Variants in NR1H2 observed in about 807,000 individuals in gnomAD.
NR1H2 encodes oxysterols receptor LXR-beta.
In NR1H2, 33 loss-of-function variants were observed where a neutral mutation model predicts 51.2. That is an observed-to-expected ratio of 0.64 (90% CI 0.49 to 0.86). The LOEUF (loss-of-function observed/expected upper bound fraction) is 0.86. Ranked by LOEUF, NR1H2 falls within the 40% of genes least tolerant of loss-of-function variation. The pLI is 0.00. For missense variants in NR1H2, 592 were observed against 639.9 expected (o/e 0.93, Z 0.81); for synonymous variants, 310 against 264.3 (o/e 1.17, Z -1.68).
At position 50,382,788 on chromosome 19, in the gene NR1H2, G is replaced by C; in HGVS notation, c.*186G>C. The C allele has an allele frequency of 1.7e-6, 1 of 583,754 alleles. No individual in the cohort carries two copies. Among genetic ancestry groups the C allele is most frequent in the Non-Finnish European group, 2.8e-6 (1 of 354,134 alleles). 36.2% of individuals were successfully genotyped at this position (583,754 alleles called of 1,614,324 possible). A position where few individuals can be genotyped will look rare whatever the true frequency, so the allele number is the denominator to read the frequency against. ...CCCTCCCTGCCCAGCGAGTCTTCCA[G>C]AAGGGGTGAAAGGGTTGCAGGTCCC... On this transcript the variant is annotated 3_prime_UTR_variant, in exon 10 of 10. Transcript: ENST00000253727.
rs956114882 is a variant in NR1H2 at position 50,382,777 on chromosome 19, C to T, written c.*175C>T. On this transcript the variant is annotated 3_prime_UTR_variant, in exon 10 of 10. Coordinates refer to ENST00000253727, the MANE Select transcript of NR1H2 (RefSeq NM_007121.7). The stretch of plus-strand genomic sequence containing the variant: ...TCCAGGAGGCTCCCTCCCTGCCCAG[C>T]GAGTCTTCCAGAAGGGGTGAAAGGG... The T allele has an allele frequency of 8.2e-5, 51 of 621,810 alleles. No individual in the cohort carries two copies. Among genetic ancestry groups the T allele is most frequent in the African/African-American group, 1.7e-4 (9 of 52,684 alleles). The allele number at this position is 621,810 out of a possible 1,614,324, so 38.5% of individuals were successfully genotyped here. A position where few individuals can be genotyped will look rare whatever the true frequency, so the allele number is the denominator to read the frequency against.
chr19:50,379,907 G>C (rs755873053), intron 8 of NR1H2, 28 bp downstream of exon 8: 4 of 1,479,940 alleles, frequency 2.7e-6, no homozygotes, highest in Non-Finnish European at 3.8e-6. Context: ...CTTCGGGGAG[G>C]CTTGGCGCCC....
At chr19:50,378,482 C>G (rs371711901) in intron 5 of NR1H2, 40 bp from the exon 6 acceptor site, 19 of 1,581,330 alleles carry the variant, frequency 1.2e-5, no homozygotes, top group Non-Finnish European at 1.6e-5. Context: ...GGCCCCCCGC[C>G]TAGCCCTGGG....
At position 50,382,244 on chromosome 19, in the gene NR1H2, G is replaced by C. The variant is rs777026199; in HGVS notation, c.1236+70G>C. 2.2e-5 allele frequency: 31 copies of C among 1,417,650 alleles called. No homozygotes were observed. The Admixed American group carries it at 4.0e-4, about 18-fold the overall frequency. The allele number at this position is 1,417,650 out of a possible 1,614,324, so 87.8% of individuals were successfully genotyped here. On this transcript the variant is annotated intron_variant, in intron 9 of 9. Coordinates refer to ENST00000253727, the MANE Select transcript of NR1H2 (RefSeq NM_007121.7). ...GGCCCACGTGGTCCGTTCAGGCTGG[G>C]TTCTGCCAGCCACACTGCCCTCCCC...
rs753044351 is a variant in NR1H2, at chr19:50,378,617, A to G, written c.568A>G (p.Ser190Gly). ...QSQSPVGPQG[S>G]SSSASGPGAS... ...GCAGTCACCTGTGGGGCCGCAGGGC[A>G]GCAGCAGCTCAGCCTCTGGGCCTGG... Residue 190 changes from serine (S) to glycine (G), a missense_variant, in exon 6 of 10, where the codon AGC becomes GGC. Ser to Gly is a moderately conservative substitution (Grantham distance 56). Transcript: ENST00000253727. 6.2e-7 allele frequency: 1 copy of G among 1,614,138 alleles called. No homozygotes were observed. The highest frequency in any genetic ancestry group is 1.1e-5 in the South Asian group (1 of 91,084).
At position 50,382,070 on chromosome 19, in the gene NR1H2, T is replaced by A. The variant is rs761572142; in HGVS notation, c.1132T>A (p.Phe378Ile). The A allele has an allele frequency of 5.8e-6, 9 of 1,554,348 alleles. No individual in the cohort carries two copies. Among genetic ancestry groups the A allele is most frequent in the Non-Finnish European group, 7.8e-6 (9 of 1,149,424 alleles). ...CGCCCTGCTCATCGCCATCAACATC[T>A]TCTCGGCCGACCGGCCCAACGTGCA... ...EYALLIAINI[F>I]SADRPNVQEP... Residue 378 changes from phenylalanine to isoleucine, a missense_variant, in exon 9 of 10, where the codon TTC becomes ATC. Around this residue, in one of 3 missense-constraint regions of NR1H2, gnomAD observed 174 missense variants for 174.0 expected, o/e 1.00. Transcript: ENST00000253727.
chr19:50,382,182 C>G lies in NR1H2; in HGVS notation c.1236+8C>G. The G allele has an allele frequency of 1.3e-6, 2 of 1,521,510 alleles. No homozygotes were observed. Among genetic ancestry groups the G allele is most frequent in the Non-Finnish European group, 1.8e-6 (2 of 1,138,276 alleles). The allele number at this position is 1,521,510 out of a possible 1,614,324, so 94.3% of individuals were successfully genotyped here. On this transcript the variant is annotated splice_region_variant and intron_variant, in intron 9 of 9. Coordinates refer to ENST00000253727, the MANE Select transcript of NR1H2 (RefSeq NM_007121.7). ...CGCATCAAGAGGCCGCAGGTAGGGCCCCGCAGAGCCTCTGCGCAGAGCCAA... is the reference window on the plus strand; with the variant it reads ...CGCATCAAGAGGCCGCAGGTAGGGCGCCGCAGAGCCTCTGCGCAGAGCCAA...
intron 8 of NR1H2, among the ~76,000 whole-genome samples, chr19:50,381,403 C>T (rs1165673838): frequency 6.6e-6 from 1 of 152,238 alleles, no homozygotes; most frequent in Non-Finnish European, 1.5e-5. Context: ...CACTTCTCTG[C>T]ACTGCCTGGT....
Position 50,383,284 on chromosome 19 carries a change from C to T in NR1H2, c.*682C>T, listed in dbSNP as rs57710095. On this transcript the variant is annotated 3_prime_UTR_variant, in exon 10 of 10. Transcript: ENST00000253727. ...TAAGTGAATGAGGGGACCTGGACTT[C>T]TGTCCGAACAACAAGTGTTTGCTGA... Among the ~76,000 whole-genome samples, 2,579 of 152,334 alleles carry T rather than the reference C, an allele frequency of 0.017. 69 individuals are homozygous for T. The highest frequency in any genetic ancestry group is 0.058 in the African/African-American group (2,416 of 41,580).
In NR1H2 at chr19:50,382,648, C is replaced by T; in HGVS notation, c.*46C>T. 1 of 1,502,508 alleles carries T rather than the reference C, an allele frequency of 6.7e-7. No individual in the cohort carries two copies. The highest frequency in any genetic ancestry group is 8.8e-7 in the Non-Finnish European group (1 of 1,131,022). The allele number at this position is 1,502,508 out of a possible 1,614,324, so 93.1% of individuals were successfully genotyped here. A position where few individuals can be genotyped will look rare whatever the true frequency, so the allele number is the denominator to read the frequency against. On this transcript the variant is annotated 3_prime_UTR_variant, in exon 10 of 10. Coordinates refer to ENST00000253727, the MANE Select transcript of NR1H2 (RefSeq NM_007121.7). ...ACAGCCTTGCCTGACCACCCTCCAGCAGATAGACGCCGGCACCCCTTCCTC... is the reference window on the plus strand; with the variant it reads ...ACAGCCTTGCCTGACCACCCTCCAGTAGATAGACGCCGGCACCCCTTCCTC...
intron 8 of NR1H2, among the ~76,000 whole-genome samples, chr19:50,380,296 G>A (rs941557463): frequency 6.6e-6 from 1 of 152,182 alleles, no homozygotes; most frequent in African/African-American, 2.4e-5. Context: ...CCGCCAAAAC[G>A]TGGTCTCACC....
intron 8 of NR1H2, among the ~76,000 whole-genome samples, chr19:50,381,070 C>T (rs898255732): frequency 1.3e-5 from 2 of 152,232 alleles, no homozygotes; most frequent in African/African-American, 2.4e-5. Flanking sequence ...CAGCTCTCAC[C>T]CTCTCCCCCT....
intron 2 of NR1H2, among the ~76,000 whole-genome samples, chr19:50,377,071 G>A (rs1164680642): frequency 6.7e-6 from 1 of 148,224 alleles, no homozygotes; most frequent in East Asian, 2.0e-4. Flanking sequence ...GGTTGTGGGG[G>A]TGAGGCTTGG....
At chr19:50,378,919 A>G in intron 6 of NR1H2, 83 bp from the exon 7 acceptor site, 2 of 1,548,972 alleles carry the variant, frequency 1.3e-6, no homozygotes, top group Non-Finnish European at 8.7e-7. Context: ...AGGATCCCCC[A>G]GGGTGCAGGC....
intron 4 of NR1H2, 80 bp from the exon 5 acceptor site, chr19:50,378,069 T>G: frequency 6.1e-6 from 9 of 1,483,662 alleles, no homozygotes; most frequent in Non-Finnish European, 8.1e-6. Flanking sequence ...GCTCTTTGCC[T>G]GGGGATCTCC....
chr19:50,383,006 A>C lies in NR1H2; in HGVS notation c.*404A>C. On this transcript the variant is annotated 3_prime_UTR_variant, in exon 10 of 10. Transcript: ENST00000253727. ...AACAGGAAAATAAAATATGAATACAATCCAGCCCGGAGCTGGAGTGCAAGA... is the reference window on the plus strand; with the variant it reads ...AACAGGAAAATAAAATATGAATACACTCCAGCCCGGAGCTGGAGTGCAAGA... 1.9e-5 allele frequency: 3 copies of C among 155,926 alleles called. No homozygotes were observed. The highest frequency in any genetic ancestry group is 4.3e-5 in the Non-Finnish European group (3 of 70,466). The allele number at this position is 155,926 out of a possible 1,614,324, so 9.7% of individuals were successfully genotyped here.
At chr19:50,378,052 T>A in intron 4 of NR1H2, 97 bp from the exon 5 acceptor site, 2 of 1,440,130 alleles carry the variant, frequency 1.4e-6, no homozygotes, top group Non-Finnish European at 1.9e-6. Flanking sequence ...TCTCCCTCCA[T>A]CCTCTGGCTC....
Position 50,382,100 on chromosome 19 carries a change from C to T in NR1H2, c.1162C>T (p.Pro388Ser), listed in dbSNP as rs1300728286. The T allele has an allele frequency of 5.8e-6, 9 of 1,547,874 alleles. No homozygotes were observed. The highest frequency in any genetic ancestry group is 2.0e-5 in the Admixed American group (1 of 51,092). Reference sequence around the variant, plus strand: ...GGCCGACCGGCCCAACGTGCAGGAGCCGGGCCGCGTGGAGGCGTTGCAGCA... The same window carrying T: ...GGCCGACCGGCCCAACGTGCAGGAGTCGGGCCGCGTGGAGGCGTTGCAGCA... ...FSADRPNVQEPGRVEALQQPY... is the reference protein window; with the variant it reads ...FSADRPNVQESGRVEALQQPY... The change falls in exon 9 of 10, where the codon CCG (proline) becomes TCG (serine). Residue 388 changes from proline to serine, a missense_variant. Pro to Ser is a moderately conservative substitution (Grantham distance 74). This residue lies in a region of NR1H2 where 174 missense variants were observed against 174.0 expected (regional missense o/e 1.00). Transcript: ENST00000253727.
In NR1H2 at chr19:50,378,369, C is replaced by T. The variant is rs780907444; in HGVS notation, c.402C>T (p.Asp134=). 2.5e-5 allele frequency: 40 copies of T among 1,610,298 alleles called. No individual in the cohort carries two copies. The highest frequency in any genetic ancestry group is 2.4e-5 in the Non-Finnish European group (28 of 1,177,822). ...GGGGTGGCGGAACCTGCCAGATGGACGCTTTCATGCGGCGCAAGTGCCAGC... is the reference window on the plus strand; with the variant it reads ...GGGGTGGCGGAACCTGCCAGATGGATGCTTTCATGCGGCGCAAGTGCCAGC... The part of the protein sequence containing the change: ...ACRGGGTCQM[D]AFMRRKCQQC... The change falls in exon 5 of 10, where the codon GAC becomes GAT. Residue 134 remains aspartate, a synonymous_variant. Transcript: ENST00000253727.
Sources: allele counts gnomAD v4.1 joint callset (sites outside exome capture counted in the v4.1 genomes callset), GRCh38; gene constraint gnomAD v4.1.1; regional missense constraint gnomAD v4.1.1; transcripts MANE v1.5; gene names NCBI Gene and HGNC (gene_info 2026-07-23, HGNC 2026-07-21).